Variants in CLRN1 observed in about 807,000 individuals in gnomAD.
CLRN1 encodes the protein clarin-1.
A neutral mutation model predicts 18.7 loss-of-function variants in CLRN1; 15 were observed. That is an observed-to-expected ratio of 0.80 (90% CI 0.54 to 1.23). The LOEUF (loss-of-function observed/expected upper bound fraction) is 1.23, where lower values mean the gene tolerates loss of function less well. Among genes scored for constraint, CLRN1 ranks in the 50% most tolerant of loss-of-function variants. The pLI is 0.00. For synonymous variants in CLRN1, 104 were observed against 102.9 expected (o/e 1.01, Z -0.07); for missense variants, 311 against 277.5 (o/e 1.12, Z -0.86).
In CLRN1 at chr3:150,931,128, T is replaced by C. The variant is rs570637862; in HGVS notation, c.434-2927A>G. 2.6e-5 allele frequency among the ~76,000 whole-genome samples: 4 copies of C among 152,336 alleles called. No individual in the cohort carries two copies. In the East Asian group the frequency reaches 7.7e-4, roughly 29 times the overall value. On this transcript the variant is annotated intron_variant, in intron 2 of 2. Coordinates refer to ENST00000327047, the MANE Select transcript of CLRN1 (RefSeq NM_174878.3). ...GAGACAACTCAGTGTGAACTTGGTA[T>C]ATTTTTGCTTCTCTCTGTCCATGGC...
chr3:150,945,974 T>C (rs1413551975), intron 1 of CLRN1, among the ~76,000 whole-genome samples: 1 of 152,222 alleles, frequency 6.6e-6, no homozygotes, highest in Non-Finnish European at 1.5e-5. Context: ...AGGATATTCA[T>C]TGCAGCATTT....
intron 1 of CLRN1, 67 bp from the exon 2 acceptor site, chr3:150,941,828 A>C (rs1713865570): frequency 7.3e-7 from 1 of 1,374,030 alleles, no homozygotes; most frequent in Non-Finnish European, 1.0e-6. Context: ...TATAATTTTA[A>C]AAATCAAATC....
Position 150,959,009 on chromosome 3 carries a change from A to G in CLRN1, c.253+13447T>C, listed in dbSNP as rs557164320. Among the ~76,000 whole-genome samples, 3 of 152,338 alleles carry G rather than the reference A, an allele frequency of 2.0e-5. No individual in the cohort carries two copies. The South Asian group carries it at 6.2e-4, about 32-fold the overall frequency. ...CTCCAGCCAATCTCCAAAAAATATG[A>G]ACTGTGAGCAAGAAACACATCTTTT... On this transcript the variant is annotated intron_variant, in intron 1 of 2. Transcript: ENST00000327047.
At chr3:150,958,610 A>G (rs1263779595) in intron 1 of CLRN1, among the ~76,000 whole-genome samples, 1 of 152,108 alleles carries the variant, frequency 6.6e-6, no homozygotes, top group Non-Finnish European at 1.5e-5. Context: ...TATGCTGTTC[A>G]TTTACTTGGA....
intron 1 of CLRN1, among the ~76,000 whole-genome samples, chr3:150,972,188 T>C (rs1020409351): frequency 5.9e-5 from 9 of 152,184 alleles, no homozygotes; most frequent in African/African-American, 9.7e-5. Context: ...TTTACATAAA[T>C]ATTAATACTT....
At chr3:150,934,016 C>T (rs182585407) in intron 2 of CLRN1, among the ~76,000 whole-genome samples, 4 of 152,170 alleles carry the variant, frequency 2.6e-5, no homozygotes, top group African/African-American at 4.8e-5. Context: ...TCAGGCTCTG[C>T]GGCTTTGATG....
intron 1 of CLRN1, among the ~76,000 whole-genome samples, chr3:150,946,740 T>A (rs1333018542): frequency 6.6e-6 from 1 of 151,068 alleles, no homozygotes; most frequent in Non-Finnish European, 1.5e-5. Context: ...CTTTTTATTT[T>A]TTTATTTTTA....
intron 1 of CLRN1, chr3:150,944,109 C>A: frequency 1.9e-6 from 1 of 533,794 alleles, no homozygotes; most frequent in Non-Finnish European, 3.4e-6. Context: ...GTGAAACGAG[C>A]TGACACCTGA....
chr3:150,937,632 A>G (rs1431759353), intron 2 of CLRN1, among the ~76,000 whole-genome samples: 2 of 152,218 alleles, frequency 1.3e-5, no homozygotes, highest in East Asian at 1.9e-4. Context: ...AAGACTTCTC[A>G]GCATCAATTT....
chr3:150,940,400 TAG>T (rs985152446), intron 2 of CLRN1: 10 of 1,324,188 alleles, frequency 7.6e-6, no homozygotes, highest in South Asian at 1.5e-5. Flanking sequence ...CTTTGTTTTA[TAG>T]AGAGAGAGAT....
intron 2 of CLRN1, among the ~76,000 whole-genome samples, chr3:150,938,575 T>G (rs1221410561): frequency 6.6e-6 from 1 of 152,176 alleles, no homozygotes; most frequent in African/African-American, 2.4e-5. Flanking sequence ...CAAACATGTT[T>G]TATTGTTGTA....
intron 1 of CLRN1, among the ~76,000 whole-genome samples, chr3:150,953,007 C>CTTCT (rs1458369939): frequency 3.9e-5 from 6 of 152,108 alleles, no homozygotes; most frequent in African/African-American, 1.2e-4. Context: ...TCGTAACACC[C>CTTCT]TTCTGTTTTC....
chr3:150,940,454 G>C, intron 2 of CLRN1: 1 of 1,531,814 alleles, frequency 6.5e-7, no homozygotes. Flanking sequence ...ATGAGAGAAG[G>C]GAGTAGTGTC....
At chr3:150,944,915 G>C (rs922108302) in intron 1 of CLRN1, among the ~76,000 whole-genome samples, 1 of 152,282 alleles carries the variant, frequency 6.6e-6, no homozygotes, top group South Asian at 2.1e-4. Flanking sequence ...TTTTACGTTT[G>C]AGTTACCTTA....
chr3:150,937,903 A>G (rs1169317810), intron 2 of CLRN1, among the ~76,000 whole-genome samples: 2 of 152,128 alleles, frequency 1.3e-5, no homozygotes, highest in Non-Finnish European at 2.9e-5. Context: ...CGGGAGACAT[A>G]AGGAGATGCC....
At chr3:150,930,660 T>G (rs1385362060) in intron 2 of CLRN1, among the ~76,000 whole-genome samples, 3 of 152,184 alleles carry the variant, frequency 2.0e-5, no homozygotes, top group Non-Finnish European at 4.4e-5. Flanking sequence ...TATCTTTTAT[T>G]CGAAAATTGT....
chr3:150,935,522 A>G (rs1217334050), intron 2 of CLRN1, among the ~76,000 whole-genome samples: 1 of 150,792 alleles, frequency 6.6e-6, no homozygotes, highest in African/African-American at 2.4e-5. Flanking sequence ...TATGTGCCAC[A>G]TTTTCTTAAT....
chr3:150,961,155 G>A (rs1715008295), intron 1 of CLRN1, among the ~76,000 whole-genome samples: 1 of 152,194 alleles, frequency 6.6e-6, no homozygotes, highest in African/African-American at 2.4e-5. Context: ...TGGAAGAAAT[G>A]CTAAATACTG....
At chr3:150,960,971 CAG>C (rs1442349792) in intron 1 of CLRN1, among the ~76,000 whole-genome samples, 1 of 152,230 alleles carries the variant, frequency 6.6e-6, no homozygotes, top group African/African-American at 2.4e-5. Context: ...GATTTGGAAA[CAG>C]GGGAAGCCAC....
Sources: gnomAD v4.1 joint callset for allele counts (sites outside exome capture counted in the v4.1 genomes callset) on GRCh38, gnomAD v4.1.1 for gene constraint, MANE v1.5 for transcripts, NCBI Gene and HGNC (gene_info 2026-07-23, HGNC 2026-07-21) for gene names.